The following RFX3 variants were observed in gnomAD, a reference collection of about 807,000 sequenced individuals.
RFX3 encodes the protein transcription factor RFX3.
In RFX3, 14 loss-of-function variants were observed where a neutral mutation model predicts 98.6. The ratio of observed to expected loss-of-function variants is 0.14; its 90% CI spans 0.09 to 0.22. RFX3 has a LOEUF of 0.22. Ranked by LOEUF, RFX3 falls within the 10% of genes least tolerant of loss-of-function variation. The pLI is 1.00. For missense variants in RFX3, 639 were observed against 926.9 expected, an observed-to-expected ratio of 0.69 and a Z score of 4.03; for synonymous variants, 383 against 328.4, an observed-to-expected ratio of 1.17 and a Z score of -1.80.
chr9:3,296,686 T>C (rs1479516653), intron 5 of RFX3, among the ~76,000 whole-genome samples: 1 of 152,086 alleles, frequency 6.6e-6, no homozygotes, highest in Non-Finnish European at 1.5e-5. Context: ...AAGGAGGAAC[T>C]GTATTCCTTG....
At chr9:3,497,409 G>GA in intron 1 of RFX3, among the ~76,000 whole-genome samples, 1 of 152,002 alleles carries the variant, frequency 6.6e-6, no homozygotes, top group East Asian at 1.9e-4. Context: ...AAAGGATAAA[G>GA]AAAAAAACTG....
chr9:3,246,861 T>C (rs1399140144), intron 15 of RFX3, among the ~76,000 whole-genome samples: 1 of 152,186 alleles, frequency 6.6e-6, no homozygotes, highest in African/African-American at 2.4e-5. Flanking sequence ...GACATTTAGA[T>C]GGATATACAG....
intron 4 of RFX3, among the ~76,000 whole-genome samples, chr9:3,318,018 C>G (rs528965116): frequency 6.6e-6 from 1 of 152,338 alleles, no homozygotes; most frequent in African/African-American, 2.4e-5. Flanking sequence ...CATCCCATTA[C>G]TGGGTACGTA....
At chr9:3,412,485 A>G (rs1239853052) in intron 1 of RFX3, among the ~76,000 whole-genome samples, 1 of 152,208 alleles carries the variant, frequency 6.6e-6, no homozygotes, top group Admixed American at 6.5e-5. Context: ...CCATTTAATA[A>G]AGATATATTA....
In RFX3 at chr9:3,470,378, G is replaced by A. The variant is rs1187987894; in HGVS notation, c.-9+55369C>T. ...CGCCCAGGCTGGAGTGCAGTGGTGC[G>A]ATCTTGACTCACTACAAGCTCCGCC... On this transcript the variant is annotated intron_variant, in intron 1 of 16. Transcript: ENST00000617270. 3.3e-5 allele frequency among the ~76,000 whole-genome samples: 5 copies of A among 149,908 alleles called. 1 individual carries two copies. The highest frequency in any genetic ancestry group is 5.9e-5 in the Non-Finnish European group (4 of 67,566).
At chr9:3,365,946 C>T (rs1291283408) in intron 2 of RFX3, among the ~76,000 whole-genome samples, 1 of 151,816 alleles carries the variant, frequency 6.6e-6, no homozygotes, top group Non-Finnish European at 1.5e-5. Flanking sequence ...AGTTAACTCT[C>T]TAACTTAGGA....
chr9:3,268,946 T>A (rs924822696), intron 11 of RFX3, among the ~76,000 whole-genome samples: 1 of 152,098 alleles, frequency 6.6e-6, no homozygotes. Context: ...GCTAATGAGC[T>A]ACCCTATGCA....
At chr9:3,489,251 A>T (rs1332916979) in intron 1 of RFX3, 1 of 166,016 alleles carries the variant, frequency 6.0e-6, no homozygotes, top group Non-Finnish European at 1.2e-5. Flanking sequence ...AGTAATTTGG[A>T]TGCAAACATA....
intron 7 of RFX3, among the ~76,000 whole-genome samples, chr9:3,286,524 C>T (rs1586884598): frequency 6.6e-6 from 1 of 151,848 alleles, no homozygotes; most frequent in South Asian, 2.1e-4. Flanking sequence ...GAAATTATGA[C>T]TGTGTAAAAA....
chr9:3,505,288 T>TA (rs1564187113), intron 1 of RFX3, among the ~76,000 whole-genome samples: 2 of 67,462 alleles, frequency 3.0e-5, no homozygotes, highest in African/African-American at 1.5e-4. Context: ...ATATACATTT[T>TA]TATATTTATA....
At chr9:3,328,527 T>C (rs555593891) in intron 4 of RFX3, among the ~76,000 whole-genome samples, 1 of 152,210 alleles carries the variant, frequency 6.6e-6, no homozygotes, top group South Asian at 2.1e-4. Context: ...TATTTAATAT[T>C]ATTAAAAGGA....
intron 1 of RFX3, among the ~76,000 whole-genome samples, chr9:3,446,200 G>C (rs1245221843): frequency 6.6e-6 from 1 of 151,964 alleles, no homozygotes; most frequent in African/African-American, 2.4e-5. Flanking sequence ...GGGTTACTGG[G>C]GGAGTATATA....
At chr9:3,284,474 G>GT (rs1021336683) in intron 7 of RFX3, among the ~76,000 whole-genome samples, 3 of 151,312 alleles carry the variant, frequency 2.0e-5, no homozygotes, top group African/African-American at 7.3e-5. Flanking sequence ...TTCAATAGAA[G>GT]TTTTTTTTAA....
chr9:3,227,300 C>T (rs1040722855), intron 16 of RFX3, among the ~76,000 whole-genome samples: 20 of 152,098 alleles, frequency 1.3e-4, no homozygotes, highest in Non-Finnish European at 2.1e-4. Flanking sequence ...ATGGACTGGA[C>T]GATTTAAGTG....
chr9:3,475,239 T>C (rs1034863691), intron 1 of RFX3, among the ~76,000 whole-genome samples: 2 of 152,038 alleles, frequency 1.3e-5, no homozygotes, highest in South Asian at 2.1e-4. Flanking sequence ...ACAGGGTCAG[T>C]GGGTTTTTCT....
intron 3 of RFX3, among the ~76,000 whole-genome samples, chr9:3,336,132 T>C (rs1021940113): frequency 3.1e-4 from 47 of 152,266 alleles, no homozygotes; most frequent in African/African-American, 1.0e-3. Flanking sequence ...TAAAATAGCA[T>C]GTAAATCTCA....
chr9:3,376,664 G>A (rs1224741006), intron 2 of RFX3, among the ~76,000 whole-genome samples: 8 of 152,044 alleles, frequency 5.3e-5, no homozygotes, highest in Non-Finnish European at 1.5e-5. Flanking sequence ...GCAACCTACA[G>A]AATGGGAGAA....
At chr9:3,509,361 A>C (rs1817445859) in intron 1 of RFX3, among the ~76,000 whole-genome samples, 1 of 152,046 alleles carries the variant, frequency 6.6e-6, no homozygotes, top group South Asian at 2.1e-4. Flanking sequence ...GAATGTTTAC[A>C]AAAATTCTTA....
At chr9:3,453,143 C>G (rs1056556026) in intron 1 of RFX3, among the ~76,000 whole-genome samples, 1 of 152,000 alleles carries the variant, frequency 6.6e-6, no homozygotes, top group African/African-American at 2.4e-5. Flanking sequence ...ACAGGCCCAT[C>G]TATTATGGTC....
Sources: allele counts gnomAD v4.1 joint callset (sites outside exome capture counted in the v4.1 genomes callset), GRCh38; gene constraint gnomAD v4.1.1; transcripts MANE v1.5; gene names NCBI Gene and HGNC (gene_info 2026-07-23, HGNC 2026-07-21).